SSBP2: variants seen among roughly 807,000 people sequenced by gnomAD.
The protein encoded by SSBP2 is single-stranded DNA-binding protein 2.
SSBP2 carries 17 observed loss-of-function variants against 61.8 expected under a neutral mutation model. That is an observed-to-expected ratio of 0.28 (90% CI 0.19 to 0.41). SSBP2 has a LOEUF of 0.41. SSBP2 is among the 10% of genes least tolerant of loss of function. The probability of loss-of-function intolerance (pLI) is 1.00; values close to 1 mark genes in which losing one functional copy is unlikely to be tolerated. For synonymous variants in SSBP2, 139 were observed against 141.3 expected, an observed-to-expected ratio of 0.98 and a Z score of 0.12; for missense variants, 310 against 458.7, an observed-to-expected ratio of 0.68 and a Z score of 2.96.
chr5:81,591,744 G>C (rs1775519878), intron 4 of SSBP2, among the ~76,000 whole-genome samples: 1 of 151,984 alleles, frequency 6.6e-6, no homozygotes, highest in South Asian at 2.1e-4. Context: ...GAAACACAGA[G>C]GAAAAAAAGT....
intron 1 of SSBP2, among the ~76,000 whole-genome samples, chr5:81,686,898 GAAAAGAAAAGAAAAGAAAAA>G (rs1157069359): frequency 8.1e-5 from 11 of 135,022 alleles, no homozygotes; most frequent in African/African-American, 3.1e-4. Flanking sequence ...GAAAAGAAAA[GAAAAGAAAAGAAAAGAAAAA>G]GTGACAAAAT....
intron 4 of SSBP2, among the ~76,000 whole-genome samples, chr5:81,593,078 A>G (rs1227989014): frequency 2.0e-5 from 3 of 152,224 alleles, no homozygotes; most frequent in African/African-American, 7.2e-5. Context: ...ATGGCAAAGA[A>G]GTTAAAAGCT....
chr5:81,690,764 A>T (rs1753142673), intron 1 of SSBP2, among the ~76,000 whole-genome samples: 1 of 152,160 alleles, frequency 6.6e-6, no homozygotes, highest in Admixed American at 6.5e-5. Context: ...ATAGCTGCAG[A>T]ATACACATTC....
intron 1 of SSBP2, among the ~76,000 whole-genome samples, chr5:81,707,725 T>C (rs971567462): frequency 6.6e-6 from 1 of 152,144 alleles, no homozygotes; most frequent in African/African-American, 2.4e-5. Context: ...AGAAACGAAC[T>C]AGAAATTCAG....
In SSBP2 at chr5:81,419,272, C is replaced by T. The variant is rs1761461662; in HGVS notation, c.*1232G>A. The T allele has an allele frequency of 6.6e-6, 1 of 152,172 alleles. No individual in the cohort carries two copies. The highest frequency in any genetic ancestry group is 6.5e-5 in the Admixed American group (1 of 15,272). 9.4% of individuals were successfully genotyped at this position (152,172 alleles called of 1,614,324 possible). ...CAATGATTTGCTCCTGAATAAAAGC[C>T]TTATATTCCAGGAACAGAGCAGAGG... On this transcript the variant is annotated 3_prime_UTR_variant, in exon 17 of 17. Coordinates refer to ENST00000320672, the MANE Select transcript of SSBP2 (RefSeq NM_012446.5).
At chr5:81,578,032 T>A (rs7709916) in intron 4 of SSBP2, among the ~76,000 whole-genome samples, 2 of 151,792 alleles carry the variant, frequency 1.3e-5, no homozygotes, top group Non-Finnish European at 2.9e-5. Context: ...ATTAAGTGAC[T>A]TGCCCAAGAT....
chr5:81,610,268 C>T (rs1561601619), intron 4 of SSBP2, among the ~76,000 whole-genome samples: 1 of 152,168 alleles, frequency 6.6e-6, no homozygotes, highest in African/African-American at 2.4e-5. Flanking sequence ...AATCCTGTGT[C>T]AGAAGAATGA....
At chr5:81,736,558 T>C (rs974352210) in intron 1 of SSBP2, among the ~76,000 whole-genome samples, 1 of 152,232 alleles carries the variant, frequency 6.6e-6, no homozygotes, top group Admixed American at 6.5e-5. Context: ...AATTTGTATA[T>C]GCATGTATGG....
chr5:81,488,951 A>G (rs1002013312), intron 6 of SSBP2, among the ~76,000 whole-genome samples: 2 of 152,096 alleles, frequency 1.3e-5, no homozygotes, highest in Non-Finnish European at 2.9e-5. Flanking sequence ...AATAGTAAAT[A>G]TTTTAGGGTT....
At chr5:81,430,613 G>A (rs924667559) in intron 15 of SSBP2, among the ~76,000 whole-genome samples, 36 of 152,150 alleles carry the variant, frequency 2.4e-4, no homozygotes, top group African/African-American at 7.2e-4. Flanking sequence ...CAATTTGAAA[G>A]TAACATTGCA....
intron 1 of SSBP2, among the ~76,000 whole-genome samples, chr5:81,673,783 A>G (rs531843438): frequency 1.3e-5 from 2 of 152,326 alleles, no homozygotes; most frequent in South Asian, 2.1e-4. Flanking sequence ...CACTAAATCA[A>G]TGAATTAAAA....
chr5:81,658,267 T>G (rs1750396258), intron 1 of SSBP2, among the ~76,000 whole-genome samples: 1 of 152,142 alleles, frequency 6.6e-6, no homozygotes, highest in African/African-American at 2.4e-5. Context: ...CTTCTATGGC[T>G]TCAATGTTTT....
chr5:81,587,782 C>CA (rs1478356299), intron 4 of SSBP2, among the ~76,000 whole-genome samples: 2 of 151,588 alleles, frequency 1.3e-5, no homozygotes, highest in East Asian at 3.9e-4. Context: ...CACACACACA[C>CA]ACTAATGCTT....
intron 1 of SSBP2, among the ~76,000 whole-genome samples, chr5:81,683,176 A>G (rs543055665): frequency 2.6e-5 from 4 of 152,282 alleles, no homozygotes; most frequent in East Asian, 1.9e-4. Flanking sequence ...AAATTTGTAT[A>G]AAGAGGCAAA....
chr5:81,509,060 T>G (rs148084048), intron 5 of SSBP2, among the ~76,000 whole-genome samples: 1 of 152,178 alleles, frequency 6.6e-6, no homozygotes, highest in East Asian at 1.9e-4. Flanking sequence ...ATTTAGTAGT[T>G]GCAACCAGGA....
At chr5:81,655,051 G>A (rs1004320567) in intron 1 of SSBP2, among the ~76,000 whole-genome samples, 2 of 152,198 alleles carry the variant, frequency 1.3e-5, no homozygotes, top group Non-Finnish European at 2.9e-5. Flanking sequence ...TTGGGAGGCT[G>A]AGGCAGGAGG....
intron 4 of SSBP2, among the ~76,000 whole-genome samples, chr5:81,580,009 G>T (rs1774522480): frequency 6.6e-6 from 1 of 151,982 alleles, no homozygotes; most frequent in South Asian, 2.1e-4. Flanking sequence ...TGTTCTATAG[G>T]TAATATTTAA....
intron 4 of SSBP2, among the ~76,000 whole-genome samples, chr5:81,533,777 A>G (rs1014414477): frequency 7.2e-5 from 11 of 152,080 alleles, no homozygotes; most frequent in Admixed American, 7.2e-4. Context: ...AGGAAAACCT[A>G]AACTGTAACT....
intron 4 of SSBP2, 131 bp from the exon 5 acceptor site, chr5:81,513,848 C>T (rs538004565): frequency 4.4e-5 from 25 of 570,174 alleles, no homozygotes; most frequent in African/African-American, 3.9e-4. Flanking sequence ...TTTTCCCCAT[C>T]CTAGAAGTAA....
Sources: gnomAD v4.1 joint callset for allele counts (sites outside exome capture counted in the v4.1 genomes callset) on GRCh38, gnomAD v4.1.1 for gene constraint, MANE v1.5 for transcripts, NCBI Gene and HGNC (gene_info 2026-07-23, HGNC 2026-07-21) for gene names.